EXOC6B: variants seen among roughly 807,000 people sequenced by gnomAD.
The protein encoded by EXOC6B is exocyst complex component 6B.
In EXOC6B, 54 loss-of-function variants were observed where a neutral mutation model predicts 113.5. The ratio of observed to expected loss-of-function variants is 0.48; its 90% confidence interval spans 0.38 to 0.60. The LOEUF is 0.60. Ranked by LOEUF, EXOC6B falls within the 20% of genes least tolerant of loss-of-function variation. The pLI is 0.00. For missense variants in EXOC6B, 797 were observed against 977.5 expected, an observed-to-expected ratio of 0.82 and a Z score of 2.46; for synonymous variants, 357 against 339.0, an observed-to-expected ratio of 1.05 and a Z score of -0.58.
At chr2:72,476,784 G>C (rs1698771807) in intron 17 of EXOC6B, among the ~76,000 whole-genome samples, 1 of 152,088 alleles carries the variant, frequency 6.6e-6, no homozygotes, top group Non-Finnish European at 1.5e-5. Flanking sequence ...AAAACAAAGT[G>C]CTTCTCAGGT....
intron 8 of EXOC6B, among the ~76,000 whole-genome samples, chr2:72,557,177 C>CATCTATGA (rs1302775351): frequency 6.6e-6 from 1 of 150,542 alleles, no homozygotes; most frequent in African/African-American, 2.5e-5. Flanking sequence ...GATATTTACA[C>CATCTATGA]ATCTATGACC....
At chr2:72,446,161 A>G (rs1696563170) in intron 18 of EXOC6B, among the ~76,000 whole-genome samples, 1 of 152,232 alleles carries the variant, frequency 6.6e-6, no homozygotes, top group Non-Finnish European at 1.5e-5. Flanking sequence ...CCAGGGGAAT[A>G]TAAATCATTT....
intron 8 of EXOC6B, among the ~76,000 whole-genome samples, chr2:72,542,007 C>A (rs888479653): frequency 1.3e-5 from 2 of 152,152 alleles, no homozygotes; most frequent in Admixed American, 6.6e-5. Context: ...AGTATATCAA[C>A]ATTTCTTATA....
intron 18 of EXOC6B, among the ~76,000 whole-genome samples, chr2:72,423,334 G>T (rs537439760): frequency 1.3e-5 from 2 of 152,194 alleles, no homozygotes; most frequent in East Asian, 3.9e-4. Context: ...TCACCGCGAG[G>T]GTCCGTGGCT....
intron 6 of EXOC6B, among the ~76,000 whole-genome samples, chr2:72,709,752 A>G (rs1209278644): frequency 6.6e-6 from 1 of 152,168 alleles, no homozygotes; most frequent in African/African-American, 2.4e-5. Flanking sequence ...CAAATTTCTA[A>G]GAATAAAATA....
intron 18 of EXOC6B, among the ~76,000 whole-genome samples, chr2:72,450,267 G>A (rs1696832890): frequency 6.6e-6 from 1 of 152,164 alleles, no homozygotes; most frequent in South Asian, 2.1e-4. Context: ...CTGGTATGTG[G>A]ATATGATCAC....
At chr2:72,593,014 T>C (rs1379669495) in intron 6 of EXOC6B, among the ~76,000 whole-genome samples, 1 of 152,074 alleles carries the variant, frequency 6.6e-6, no homozygotes, top group African/African-American at 2.4e-5. Context: ...CAATCATCAG[T>C]GGCCAATGAT....
Position 72,496,948 on chromosome 2 carries a change from C to CATTATTATT in EXOC6B, c.1338-398_1338-390dup, listed in dbSNP as rs57708306. ...TGGTTTAATATGATATATAAATGTA[C>CATTATTATT]ATTATTATTATTATTATTATTATTA... On this transcript the variant is annotated intron_variant, in intron 13 of 21. Transcript: ENST00000272427. Among the ~76,000 whole-genome samples, 1,000 of 137,824 alleles carry CATTATTATT rather than the reference C, an allele frequency of 7.3e-3. 5 individuals are homozygous for CATTATTATT. Among genetic ancestry groups the CATTATTATT allele is most frequent in the East Asian group, 0.011 (53 of 4,644 alleles). 90.4% of individuals were successfully genotyped at this position (137,824 alleles called of 152,430 possible).
intron 8 of EXOC6B, among the ~76,000 whole-genome samples, chr2:72,526,319 T>C (rs1701743087): frequency 6.6e-6 from 1 of 151,912 alleles, no homozygotes; most frequent in Non-Finnish European, 1.5e-5. Flanking sequence ...CAGTATAAGA[T>C]TTTATACAAA....
At chr2:72,350,204 T>C (rs1689574808) in intron 19 of EXOC6B, among the ~76,000 whole-genome samples, 1 of 152,176 alleles carries the variant, frequency 6.6e-6, no homozygotes, top group Admixed American at 6.5e-5. Context: ...ATTAAAACAG[T>C]CTTCATTATT....
At chr2:72,274,151 T>G (rs1250710246) in intron 20 of EXOC6B, among the ~76,000 whole-genome samples, 1 of 152,106 alleles carries the variant, frequency 6.6e-6, no homozygotes, top group African/African-American at 2.4e-5. Flanking sequence ...TGTCTGTAAG[T>G]TGGAGAACAT....
chr2:72,305,300 T>C (rs1219933067), intron 20 of EXOC6B, among the ~76,000 whole-genome samples: 1 of 144,282 alleles, frequency 6.9e-6, no homozygotes, highest in East Asian at 2.0e-4. Context: ...TTTAGAAAAT[T>C]AAGTTGAAGA....
At chr2:72,513,001 T>G (rs1701025117) in intron 11 of EXOC6B, 131 bp downstream of exon 11, 1 of 1,053,622 alleles carries the variant, frequency 9.5e-7, no homozygotes, top group African/African-American at 1.6e-5. Context: ...TACTTCTATG[T>G]CTTTGAAGGA....
At chr2:72,281,275 G>C (rs142859583) in intron 20 of EXOC6B, among the ~76,000 whole-genome samples, 1 of 152,278 alleles carries the variant, frequency 6.6e-6, no homozygotes, top group East Asian at 1.9e-4. Flanking sequence ...CTCTCTAGAA[G>C]AGAATATCCA....
At chr2:72,214,181 T>C (rs1310791899) in intron 20 of EXOC6B, among the ~76,000 whole-genome samples, 1 of 132,762 alleles carries the variant, frequency 7.5e-6, no homozygotes, top group Non-Finnish European at 1.8e-5. Flanking sequence ...GTGCTAAGTA[T>C]CCTCCCTTAA....
At chr2:72,232,799 G>A (rs1045444373) in intron 20 of EXOC6B, among the ~76,000 whole-genome samples, 1 of 152,100 alleles carries the variant, frequency 6.6e-6, no homozygotes, top group African/African-American at 2.4e-5. Flanking sequence ...CGGGCCAGGC[G>A]CAGTGGCTCA....
chr2:72,466,495 A>T (rs1357383167), intron 17 of EXOC6B, among the ~76,000 whole-genome samples: 1 of 152,134 alleles, frequency 6.6e-6, no homozygotes, highest in African/African-American at 2.4e-5. Context: ...CAGTCAGAAA[A>T]TGAGTTCTGT....
At chr2:72,529,144 T>C (rs1164250693) in intron 8 of EXOC6B, among the ~76,000 whole-genome samples, 1 of 151,936 alleles carries the variant, frequency 6.6e-6, no homozygotes, top group African/African-American at 2.4e-5. Flanking sequence ...GGGAAACCAT[T>C]TGGACTTTCA....
intron 19 of EXOC6B, among the ~76,000 whole-genome samples, chr2:72,362,047 C>G (rs1428580286): frequency 6.6e-6 from 1 of 152,030 alleles, no homozygotes; most frequent in African/African-American, 2.4e-5. Flanking sequence ...GTTTCCTTAC[C>G]TGTAGAGTGA....
Sources: gnomAD v4.1 joint callset for allele counts (sites outside exome capture counted in the v4.1 genomes callset) on GRCh38, gnomAD v4.1.1 for gene constraint, MANE v1.5 for transcripts, NCBI Gene and HGNC (gene_info 2026-07-23, HGNC 2026-07-21) for gene names.